LRRC4C: variants seen among roughly 807,000 people sequenced by gnomAD.
LRRC4C encodes leucine-rich repeat-containing protein 4C.
LRRC4C carries 5 observed loss-of-function variants against 33.6 expected under a neutral mutation model. That is an observed-to-expected ratio of 0.15 (90% CI 0.08 to 0.31). The LOEUF is 0.31. Ranked by LOEUF, LRRC4C falls within the 10% of genes least tolerant of loss-of-function variation. The pLI, the probability that LRRC4C is intolerant of heterozygous loss-of-function variation, is 1.00. For synonymous variants in LRRC4C, 329 were observed against 302.0 expected (o/e 1.09, Z -0.93); for missense variants, 560 against 796.7 (o/e 0.70, Z 3.58).
chr11:40,213,284 GTCT>G (rs1013228181), intron 5 of LRRC4C, among the ~76,000 whole-genome samples: 78 of 152,190 alleles, frequency 5.1e-4, no homozygotes, highest in African/African-American at 1.8e-3. Flanking sequence ...TTGGATTTTG[GTCT>G]TCTTCTTCAT....
intron 4 of LRRC4C, among the ~76,000 whole-genome samples, chr11:40,277,097 C>A (rs987977840): frequency 1.3e-5 from 2 of 152,046 alleles, no homozygotes; most frequent in African/African-American, 4.8e-5. Flanking sequence ...TGATGGATAC[C>A]AATGAGACAG....
chr11:40,835,495 T>C (rs1952630102), intron 2 of LRRC4C, among the ~76,000 whole-genome samples: 1 of 152,152 alleles, frequency 6.6e-6, no homozygotes, highest in African/African-American at 2.4e-5. Context: ...TTTTTATTTG[T>C]TTTCCTTTTT....
At chr11:40,901,980 ATCTC>A (rs140194267) in intron 2 of LRRC4C, among the ~76,000 whole-genome samples, 2 of 122,560 alleles carry the variant, frequency 1.6e-5, no homozygotes, top group East Asian at 2.5e-4. Flanking sequence ...AGAAAAGACA[ATCTC>A]TCTCTCTCTC....
At chr11:41,326,382 C>T (rs993689454) in intron 1 of LRRC4C, among the ~76,000 whole-genome samples, 10 of 152,050 alleles carry the variant, frequency 6.6e-5, no homozygotes, top group Non-Finnish European at 5.9e-5. Flanking sequence ...TTTTGGGACT[C>T]AAACTGTTTT....
chr11:41,317,541 C>A (rs918120846), intron 1 of LRRC4C, among the ~76,000 whole-genome samples: 1 of 152,108 alleles, frequency 6.6e-6, no homozygotes, highest in African/African-American at 2.4e-5. Context: ...CCATACCCAA[C>A]ATAACCTTCA....
intron 2 of LRRC4C, among the ~76,000 whole-genome samples, chr11:40,756,259 T>C (rs2137030209): frequency 1.3e-5 from 2 of 152,208 alleles, no homozygotes; most frequent in South Asian, 4.1e-4. Flanking sequence ...TCTTTTGTTG[T>C]GGCAGCCCTA....
intron 3 of LRRC4C, among the ~76,000 whole-genome samples, chr11:40,638,139 T>C (rs551428568): frequency 6.6e-6 from 1 of 152,242 alleles, no homozygotes; most frequent in Non-Finnish European, 1.5e-5. Flanking sequence ...TATATTTTTC[T>C]GTAGAACTTG....
intron 5 of LRRC4C, among the ~76,000 whole-genome samples, chr11:40,144,091 T>A (rs1447575093): frequency 6.6e-6 from 1 of 152,088 alleles, no homozygotes; most frequent in African/African-American, 2.4e-5. Flanking sequence ...AGTTATATAA[T>A]TTTTTTAGGT....
intron 5 of LRRC4C, among the ~76,000 whole-genome samples, chr11:40,209,573 C>T (rs59978758): frequency 4.0e-4 from 61 of 152,156 alleles, no homozygotes; most frequent in African/African-American, 1.4e-3. Context: ...GATGGAGTCT[C>T]GCTCTGTCAC....
intron 1 of LRRC4C, among the ~76,000 whole-genome samples, chr11:40,941,370 C>T (rs1958137264): frequency 6.6e-6 from 1 of 152,024 alleles, no homozygotes; most frequent in African/African-American, 2.4e-5. Flanking sequence ...TAAATGCTCT[C>T]ACATAGATTT....
At chr11:41,296,398 T>G (rs2137045392) in intron 1 of LRRC4C, among the ~76,000 whole-genome samples, 1 of 151,998 alleles carries the variant, frequency 6.6e-6, no homozygotes, top group Non-Finnish European at 1.5e-5. Flanking sequence ...CAGTGCAGCC[T>G]CTGCCTCCCA....
chr11:41,262,066 C>T (rs1416823362), intron 1 of LRRC4C, among the ~76,000 whole-genome samples: 2 of 151,964 alleles, frequency 1.3e-5, no homozygotes, highest in East Asian at 1.9e-4. Context: ...AAGTGAGATA[C>T]ACTTTAGAGA....
At chr11:41,058,975 G>A (rs1477201332) in intron 1 of LRRC4C, among the ~76,000 whole-genome samples, 1 of 152,116 alleles carries the variant, frequency 6.6e-6, no homozygotes, top group Non-Finnish European at 1.5e-5. Context: ...AATACTGCAT[G>A]TTCTCACTTA....
At chr11:40,707,863 C>A (rs1176685055) in intron 2 of LRRC4C, among the ~76,000 whole-genome samples, 1 of 152,088 alleles carries the variant, frequency 6.6e-6, no homozygotes, top group Admixed American at 6.6e-5. Flanking sequence ...GGTTGGTAAC[C>A]TATTAATTAT....
intron 1 of LRRC4C, among the ~76,000 whole-genome samples, chr11:41,197,569 A>G (rs1946233685): frequency 6.6e-6 from 1 of 152,186 alleles, no homozygotes; most frequent in East Asian, 1.9e-4. Context: ...ACCTTCTGAA[A>G]TTCTTTACTA....
chr11:41,188,176 C>T (rs1463951002), intron 1 of LRRC4C, among the ~76,000 whole-genome samples: 3 of 152,058 alleles, frequency 2.0e-5, no homozygotes, highest in Admixed American at 6.5e-5. Context: ...CAAACACAGA[C>T]TTCTTACTTC....
intron 2 of LRRC4C, among the ~76,000 whole-genome samples, chr11:40,791,278 T>C (rs1044366992): frequency 3.9e-5 from 6 of 152,170 alleles, no homozygotes; most frequent in African/African-American, 1.4e-4. Context: ...TGATTTTACA[T>C]TTTTCCATAG....
chr11:40,498,567 A>C (rs1197790698), intron 3 of LRRC4C, among the ~76,000 whole-genome samples: 1 of 152,198 alleles, frequency 6.6e-6, no homozygotes, highest in Non-Finnish European at 1.5e-5. Context: ...TCTTAGGTCG[A>C]TAGCCTTGGA....
At chr11:40,993,474 G>A (rs1322479490) in intron 1 of LRRC4C, among the ~76,000 whole-genome samples, 2 of 152,170 alleles carry the variant, frequency 1.3e-5, no homozygotes, top group Non-Finnish European at 2.9e-5. Flanking sequence ...GAAGTCATCT[G>A]CTTATAACAA....
Sources: gnomAD v4.1 joint callset for allele counts (sites outside exome capture counted in the v4.1 genomes callset) on GRCh38, gnomAD v4.1.1 for gene constraint, MANE v1.5 for transcripts, NCBI Gene and HGNC (gene_info 2026-07-23, HGNC 2026-07-21) for gene names.